CASK: variants seen among roughly 807,000 people sequenced by gnomAD.
CASK encodes peripheral plasma membrane protein CASK.
CASK carries 4 observed loss-of-function variants against 82.9 expected under a neutral mutation model. The observed-to-expected ratio is 0.05, with a 90% CI of 0.02 to 0.11. The LOEUF (loss-of-function observed/expected upper bound fraction) is 0.11. Among genes scored for constraint, CASK ranks in the 10% least tolerant of loss-of-function variants. The pLI is 1.00. For missense variants in CASK, 358 were observed against 720.9 expected, an observed-to-expected ratio of 0.50 and a Z score of 5.76; for synonymous variants, 259 against 253.5, an observed-to-expected ratio of 1.02 and a Z score of -0.20.
At chrX:41,830,415 G>A in intron 2 of CASK, among the ~76,000 whole-genome samples, 1 of 111,109 alleles carries the variant, frequency 9.0e-6, no homozygotes, top group Non-Finnish European at 1.9e-5. Flanking sequence ...TTTGAGAAGG[G>A]TCACCATCTA....
chrX:41,631,008 C>T (rs1026637125), intron 9 of CASK, among the ~76,000 whole-genome samples: 7 of 111,460 alleles, frequency 6.3e-5, no homozygotes, highest in Non-Finnish European at 7.5e-5. Flanking sequence ...TCAGCATAGC[C>T]TATACATATA....
intron 5 of CASK, among the ~76,000 whole-genome samples, chrX:41,684,339 C>A (rs2067407907): frequency 9.0e-6 from 1 of 111,706 alleles, no homozygotes. Context: ...GGCAACACTG[C>A]TGTGGTATTC....
intron 7 of CASK, among the ~76,000 whole-genome samples, chrX:41,663,672 T>G (rs776613287): frequency 8.0e-5 from 9 of 112,061 alleles, no homozygotes; most frequent in Admixed American, 7.5e-4. Context: ...AAAGGAAGAA[T>G]TCTATTATTA....
chrX:41,578,579 A>T (rs773991195), intron 14 of CASK, 51 bp from the exon 15 acceptor site: 9 of 902,740 alleles, frequency 1.0e-5, no homozygotes, highest in Non-Finnish European at 1.4e-5. Flanking sequence ...ATTTCAGCAG[A>T]AATTTATTTT....
intron 18 of CASK, 112 bp from the exon 19 acceptor site, chrX:41,557,212 C>T: frequency 1.5e-6 from 1 of 661,140 alleles, no homozygotes; most frequent in South Asian, 2.3e-5. Flanking sequence ...GAGGTTTGAG[C>T]TGTATAGGTG....
At chrX:41,892,968 C>A (rs1182441188) in intron 1 of CASK, among the ~76,000 whole-genome samples, 3 of 111,814 alleles carry the variant, frequency 2.7e-5, no homozygotes, top group Non-Finnish European at 5.6e-5. Context: ...AGTCCAACAA[C>A]AGGGGAAATT....
At chrX:41,652,029 G>A (rs2147435655) in intron 8 of CASK, among the ~76,000 whole-genome samples, 1 of 111,476 alleles carries the variant, frequency 9.0e-6, no homozygotes, top group East Asian at 2.8e-4. Flanking sequence ...ATTTTAAATA[G>A]GGTGGTCAGG....
intron 13 of CASK, chrX:41,588,570 T>A (rs2065692842): frequency 9.0e-6 from 1 of 111,490 alleles, no homozygotes; most frequent in Non-Finnish European, 1.9e-5. Context: ...ACTGCATGGG[T>A]CTCATTTCTC....
chrX:41,521,174 C>T (rs1301763732), intron 26 of CASK, among the ~76,000 whole-genome samples: 2 of 112,463 alleles, frequency 1.8e-5, no homozygotes, highest in Non-Finnish European at 3.8e-5. Flanking sequence ...AGGTGCCACA[C>T]GTTCTAGGAA....
intron 2 of CASK, among the ~76,000 whole-genome samples, chrX:41,842,880 C>T (rs1388466948): frequency 1.8e-5 from 2 of 111,922 alleles, no homozygotes; most frequent in East Asian, 5.5e-4. Flanking sequence ...TAGCCTTGCA[C>T]TTCCTTGGTT....
chrX:41,732,014 G>A (rs1228072777), intron 5 of CASK, among the ~76,000 whole-genome samples: 1 of 105,983 alleles, frequency 9.4e-6, no homozygotes, highest in East Asian at 2.9e-4. Flanking sequence ...GGGCTCAAGC[G>A]ATCCTCCCGC....
At chrX:41,754,733 G>A (rs1194634314) in intron 3 of CASK, among the ~76,000 whole-genome samples, 1 of 110,892 alleles carries the variant, frequency 9.0e-6, no homozygotes, top group Non-Finnish European at 1.9e-5. Flanking sequence ...ATATGAAACC[G>A]ACAAATTCTC....
intron 2 of CASK, among the ~76,000 whole-genome samples, chrX:41,833,860 C>T (rs1007162773): frequency 9.0e-6 from 1 of 111,455 alleles, no homozygotes; most frequent in Admixed American, 9.5e-5. Context: ...GCGATCCTCC[C>T]ACCTCAGCCT....
intron 1 of CASK, among the ~76,000 whole-genome samples, chrX:41,870,835 G>A (rs1305495871): frequency 8.9e-6 from 1 of 112,138 alleles, no homozygotes; most frequent in African/African-American, 3.2e-5. Flanking sequence ...GTCTCTGTTT[G>A]AAGAGCAGTA....
intron 2 of CASK, among the ~76,000 whole-genome samples, chrX:41,848,503 C>A (rs1396302434): frequency 8.9e-6 from 1 of 111,988 alleles, no homozygotes; most frequent in African/African-American, 3.2e-5. Context: ...GGTTCCCCTT[C>A]CCCTTCCACC....
In CASK at chrX:41,676,126, T is replaced by G. The variant is rs760979749; in HGVS notation, c.430-4596A>C. ...CCTCTGCCAAGTAATGGTAGTAATC[T>G]CCTTTCATTTTCAAAGAGAAGACTT... On this transcript the variant is annotated intron_variant, in intron 5 of 26. Transcript: ENST00000378163. The G allele has an allele frequency of 6.1e-6, 7 of 1,146,402 alleles. No individual in the cohort carries two copies. The African/African-American group carries it at 1.2e-4, about 20-fold the overall frequency. 94.5% of individuals were successfully genotyped at this position (1,146,402 alleles called of 1,213,427 possible). A position where few individuals can be genotyped will look rare whatever the true frequency, so the allele number is the denominator to read the frequency against.
chrX:41,793,968 T>C (rs1161264393), intron 2 of CASK, among the ~76,000 whole-genome samples: 1 of 112,214 alleles, frequency 8.9e-6, no homozygotes, highest in African/African-American at 3.2e-5. Flanking sequence ...ATCTTCCTCA[T>C]TGACCTTCAG....
intron 24 of CASK, among the ~76,000 whole-genome samples, chrX:41,532,919 T>A (rs1396775232): frequency 1.8e-5 from 2 of 111,270 alleles, no homozygotes; most frequent in African/African-American, 3.3e-5. Context: ...CAAGCGATTT[T>A]CATGCCTCAG....
intron 11 of CASK, among the ~76,000 whole-genome samples, chrX:41,611,988 G>C (rs1263146756): frequency 9.0e-6 from 1 of 111,264 alleles, no homozygotes; most frequent in East Asian, 2.9e-4. Flanking sequence ...GATGGAGTCT[G>C]GTTCACTCAG....
Sources: allele counts gnomAD v4.1 joint callset (sites outside exome capture counted in the v4.1 genomes callset), GRCh38; gene constraint gnomAD v4.1.1; transcripts MANE v1.5; gene names NCBI Gene and HGNC (gene_info 2026-07-23, HGNC 2026-07-21).